Variants in SLTM observed in about 807,000 individuals in gnomAD.
SLTM encodes SAFB-like transcription modulator.
A neutral mutation model predicts 134.6 loss-of-function variants in SLTM; 43 were observed. That is an observed-to-expected ratio of 0.32 (90% CI 0.25 to 0.41). The LOEUF is 0.41. Ranked by LOEUF, SLTM falls within the 10% of genes least tolerant of loss-of-function variation. SLTM has a pLI of 1.00. For synonymous variants in SLTM, 424 were observed against 432.3 expected, an observed-to-expected ratio of 0.98 and a Z score of 0.24; for missense variants, 1,055 against 1,288.8, an observed-to-expected ratio of 0.82 and a Z score of 2.78.
At chr15:58,932,896 G>A (rs1206364351) in intron 1 of SLTM, among the ~76,000 whole-genome samples, 1 of 152,208 alleles carries the variant, frequency 6.6e-6, no homozygotes, top group African/African-American at 2.4e-5. Flanking sequence ...TAAAAGCCTA[G>A]TGGAAAACAA....
rs2034903229 is a variant in SLTM at position 58,894,329 on chromosome 15, T to C, written c.1377+104A>G. 4 of 1,489,380 alleles carry C rather than the reference T, an allele frequency of 2.7e-6. No individual in the cohort carries two copies. The South Asian group carries it at 4.9e-5, about 18-fold the overall frequency. The allele number at this position is 1,489,380 out of a possible 1,614,324, so 92.3% of individuals were successfully genotyped here. On this transcript the variant is annotated intron_variant, in intron 10 of 20. Coordinates refer to ENST00000380516, the MANE Select transcript of SLTM (RefSeq NM_024755.4). ...AGTAAAAACTACAAATACATAAAAA[T>C]TAAAAATCACTGCAAATTCTACTCC...
At position 58,901,241 on chromosome 15, in the gene SLTM, G is replaced by A. The variant is rs1455694008; in HGVS notation, c.589+19C>T. On this transcript the variant is annotated intron_variant, in intron 6 of 20. Coordinates refer to ENST00000380516, the MANE Select transcript of SLTM (RefSeq NM_024755.4). Reference sequence around the variant, plus strand: ...TTTTCTAAATTTTAGCAATTTTTAAGCTCTAGCATCAAACATACCTTTCTC... The same window carrying A: ...TTTTCTAAATTTTAGCAATTTTTAAACTCTAGCATCAAACATACCTTTCTC... The A allele has an allele frequency of 3.1e-6, 5 of 1,590,180 alleles. No individual in the cohort carries two copies. The highest frequency in any genetic ancestry group is 2.3e-5 in the East Asian group (1 of 44,112).
intron 1 of SLTM, among the ~76,000 whole-genome samples, chr15:58,932,856 A>G (rs1436022024): frequency 1.3e-5 from 2 of 152,248 alleles, no homozygotes; most frequent in Non-Finnish European, 2.9e-5. Flanking sequence ...ATCAGGAAAG[A>G]AAAAGTAATT....
chr15:58,924,814 C>T (rs1335368618), intron 2 of SLTM, among the ~76,000 whole-genome samples: 1 of 152,096 alleles, frequency 6.6e-6, no homozygotes, highest in African/African-American at 2.4e-5. Context: ...AAACAAATCC[C>T]ACTTAATAAT....
In SLTM at chr15:58,899,216, AAAAC is replaced by A; in HGVS notation, c.1058+249_1058+252del. On this transcript the variant is annotated intron_variant, in intron 7 of 20. Coordinates refer to ENST00000380516, the MANE Select transcript of SLTM (RefSeq NM_024755.4). This position sits in a 1 kb window ranked among gnomAD's most constrained non-coding sequence, Gnocchi z 5.0. ...AAAAAAATTGTCAATTTGAAAAAAAAAAACAAAAAACAAAAAACAACAAAAAAAC... is the reference window on the plus strand; with the variant it reads ...AAAAAAATTGTCAATTTGAAAAAAAAAAAAAACAAAAAACAACAAAAAAAC... 1 of 466,676 alleles carries A rather than the reference AAAAC, an allele frequency of 2.1e-6. No homozygotes were observed. Among genetic ancestry groups the A allele is most frequent in the Admixed American group, 3.9e-5 (1 of 25,836 alleles). The allele number at this position is 466,676 out of a possible 1,614,324, so 28.9% of individuals were successfully genotyped here. A position where few individuals can be genotyped will look rare whatever the true frequency, so the allele number is the denominator to read the frequency against.
At chr15:58,926,795 G>A (rs2037502739) in intron 2 of SLTM, among the ~76,000 whole-genome samples, 1 of 151,912 alleles carries the variant, frequency 6.6e-6, no homozygotes. Context: ...TGTATTTTTA[G>A]TAGAGAGGGG....
intron 2 of SLTM, among the ~76,000 whole-genome samples, chr15:58,923,436 G>C (rs1254101275): frequency 2.6e-5 from 4 of 152,268 alleles, no homozygotes; most frequent in African/African-American, 7.2e-5. Flanking sequence ...GCCCAACTGG[G>C]AGAAAGGGGT....
At position 58,889,530 on chromosome 15, in the gene SLTM, T is replaced by A; in HGVS notation, c.2104A>T (p.Ile702Phe). ...CTGAGTTCCTCTCTTTCTCGAGCAA[T>A]CCGTTCAGCTTCCTTACGACGTTCC... is the stretch of plus-strand genomic sequence containing the variant. ...EQERRKEAER[I>F]AREREELRRQ... Residue 702 changes from isoleucine (I) to phenylalanine (F), a missense_variant, in exon 16 of 21, where the codon ATT (isoleucine) becomes TTT (phenylalanine). Around this residue, in one of 3 missense-constraint regions of SLTM, gnomAD observed 776 missense variants for 962.2 expected, o/e 0.81. Coordinates refer to ENST00000380516, the MANE Select transcript of SLTM (RefSeq NM_024755.4). 6.2e-7 allele frequency: 1 copy of A among 1,614,056 alleles called. No homozygotes were observed. Among genetic ancestry groups the A allele is most frequent in the Non-Finnish European group, 8.5e-7 (1 of 1,179,914 alleles).
intron 17 of SLTM, among the ~76,000 whole-genome samples, 170 bp downstream of exon 17, chr15:58,888,211 CTAGT>C (rs1189186752): frequency 6.6e-6 from 1 of 152,134 alleles, no homozygotes; most frequent in Non-Finnish European, 1.5e-5. Flanking sequence ...TAATGGTGTT[CTAGT>C]TAATTAATTT....
intron 5 of SLTM, 143 bp downstream of exon 5, chr15:58,912,419 GT>G (rs2036344017): frequency 1.3e-6 from 1 of 772,172 alleles, no homozygotes. Flanking sequence ...ATAGTTTTAA[GT>G]ACTTTGTGTA....
chr15:58,915,548 T>C (rs117520516), intron 3 of SLTM, among the ~76,000 whole-genome samples: 3,920 of 152,262 alleles, frequency 0.026, 62 homozygotes, highest in Non-Finnish European at 0.043. Flanking sequence ...GGAAGATATA[T>C]AGTAAGGGTA....
chr15:58,915,926 A>G (rs549809743), intron 3 of SLTM, among the ~76,000 whole-genome samples: 1 of 152,284 alleles, frequency 6.6e-6, no homozygotes, highest in East Asian at 1.9e-4. Flanking sequence ...AAATACCACA[A>G]TACTTAAGAC....
intron 1 of SLTM, 88 bp downstream of exon 1, chr15:58,933,316 G>T: frequency 1.4e-6 from 2 of 1,401,022 alleles, no homozygotes; most frequent in African/African-American, 1.5e-5. Flanking sequence ...AGCGGCTGCG[G>T]GCAGCCGGAG....
intron 2 of SLTM, among the ~76,000 whole-genome samples, chr15:58,930,988 T>C (rs1180926207): frequency 2.6e-5 from 4 of 152,114 alleles, no homozygotes; most frequent in African/African-American, 9.7e-5. Context: ...CTATGATTAA[T>C]ACACAGTACC....
intron 5 of SLTM, among the ~76,000 whole-genome samples, chr15:58,910,743 CT>C (rs543560542): frequency 0.16 from 18,660 of 116,098 alleles, 1,113 homozygotes; most frequent in East Asian, 0.27. Flanking sequence ...CTCATAGATT[CT>C]TTTTTTTTTT....
intron 6 of SLTM, chr15:58,900,902 T>C (rs2035441046): frequency 5.2e-6 from 1 of 192,400 alleles, no homozygotes; most frequent in Non-Finnish European, 1.1e-5. Flanking sequence ...CTGTGAGTTA[T>C]GCACTAGGAC....
intron 3 of SLTM, among the ~76,000 whole-genome samples, chr15:58,916,008 G>A (rs1157415628): frequency 6.6e-6 from 1 of 151,828 alleles, no homozygotes; most frequent in Non-Finnish European, 1.5e-5. Context: ...ATTAAAAATA[G>A]CTTGTTCTAT....
At chr15:58,912,387 C>T (rs1272792768) in intron 5 of SLTM, among the ~76,000 whole-genome samples, 176 bp downstream of exon 5, 3 of 152,180 alleles carry the variant, frequency 2.0e-5, no homozygotes, top group African/African-American at 4.8e-5. Flanking sequence ...GCGTGAGCTA[C>T]CTAGCGCGCC....
At chr15:58,885,885 A>C (rs2140945596) in intron 19 of SLTM, among the ~76,000 whole-genome samples, 1 of 152,234 alleles carries the variant, frequency 6.6e-6, no homozygotes, top group East Asian at 1.9e-4. Context: ...AGACACACAC[A>C]CTGCACAATT....
Sources: allele counts gnomAD v4.1 joint callset (sites outside exome capture counted in the v4.1 genomes callset), GRCh38; gene constraint gnomAD v4.1.1; regional missense constraint gnomAD v4.1.1; non-coding constraint Gnocchi (gnomAD v3.1); transcripts MANE v1.5; gene names NCBI Gene and HGNC (gene_info 2026-07-23, HGNC 2026-07-21).